Variants in PTPRD observed in about 807,000 individuals in gnomAD.
The protein encoded by PTPRD is protein tyrosine phosphatase receptor type D.
PTPRD carries 34 observed loss-of-function variants against 214.5 expected under a neutral mutation model. The ratio of observed to expected loss-of-function variants is 0.16; its 90% CI spans 0.12 to 0.21. The LOEUF is 0.21. Among genes scored for constraint, PTPRD ranks in the 10% least tolerant of loss-of-function variants. The pLI, the probability that PTPRD is intolerant of heterozygous loss-of-function variation, is 1.00. For missense variants in PTPRD, 2,545 were observed against 2,398.7 expected (o/e 1.06, Z -1.27); for synonymous variants, 1,128 against 845.7 (o/e 1.33, Z -5.79).
chr9:10,545,594 T>C (rs1406367940), intron 2 of PTPRD, among the ~76,000 whole-genome samples: 1 of 152,136 alleles, frequency 6.6e-6, no homozygotes, highest in East Asian at 1.9e-4. Context: ...CCATGTTTAA[T>C]TGAGCAACTA....
intron 2 of PTPRD, among the ~76,000 whole-genome samples, chr9:10,344,053 T>C (rs186026976): frequency 1.3e-5 from 2 of 150,028 alleles, no homozygotes; most frequent in Admixed American, 1.3e-4. Flanking sequence ...TTTGTCTATT[T>C]TGGCTTTTGT....
chr9:8,933,429 AT>A (rs1386760795), intron 11 of PTPRD, among the ~76,000 whole-genome samples: 1 of 140,188 alleles, frequency 7.1e-6, no homozygotes, highest in South Asian at 2.3e-4. Flanking sequence ...AAGTTTAAGC[AT>A]TTTTTCTGAA....
chr9:8,713,471 T>C (rs539433635), intron 12 of PTPRD: 11 of 1,122,314 alleles, frequency 9.8e-6, no homozygotes, highest in Admixed American at 1.7e-5. Context: ...TTAAAGAAAA[T>C]GAAGAAGTCT....
chr9:9,665,609 T>C (rs1205339947), intron 7 of PTPRD, among the ~76,000 whole-genome samples: 1 of 151,726 alleles, frequency 6.6e-6, no homozygotes, highest in East Asian at 1.9e-4. Flanking sequence ...GATTCAAATT[T>C]AGGTCTGTGG....
chr9:9,370,241 G>A (rs1348786039), intron 9 of PTPRD, among the ~76,000 whole-genome samples: 1 of 152,086 alleles, frequency 6.6e-6, no homozygotes, highest in Admixed American at 6.6e-5. Context: ...TCCTACCCAT[G>A]AGCATGGAAT....
intron 8 of PTPRD, among the ~76,000 whole-genome samples, chr9:9,527,773 T>A (rs1391254268): frequency 2.0e-5 from 3 of 152,198 alleles, no homozygotes; most frequent in Non-Finnish European, 2.9e-5. Flanking sequence ...AAATTTTATA[T>A]AAAATATGTC....
intron 8 of PTPRD, among the ~76,000 whole-genome samples, chr9:9,572,665 T>C (rs1475831407): frequency 6.7e-6 from 1 of 149,384 alleles, no homozygotes; most frequent in African/African-American, 2.4e-5. Context: ...CCGATATGTA[T>C]ATTATGTATG....
At chr9:10,360,986 C>T (rs1019401254) in intron 2 of PTPRD, among the ~76,000 whole-genome samples, 5 of 151,936 alleles carry the variant, frequency 3.3e-5, no homozygotes, top group Admixed American at 1.3e-4. Context: ...CCTGTAGTCC[C>T]AGCTACTCGG....
intron 10 of PTPRD, among the ~76,000 whole-genome samples, chr9:9,056,165 C>A (rs750309693): frequency 6.6e-6 from 1 of 152,148 alleles, no homozygotes; most frequent in Non-Finnish European, 1.5e-5. Context: ...ACGAAGAAGA[C>A]AAAATCATCT....
intron 9 of PTPRD, among the ~76,000 whole-genome samples, chr9:9,379,010 G>A (rs2061490425): frequency 6.6e-6 from 1 of 151,368 alleles, no homozygotes; most frequent in South Asian, 2.1e-4. Flanking sequence ...TTATTTTAAT[G>A]AAGCCCAGCT....
chr9:9,089,871 C>T (rs1327945026), intron 10 of PTPRD, among the ~76,000 whole-genome samples: 1 of 152,124 alleles, frequency 6.6e-6, no homozygotes, highest in Non-Finnish European at 1.5e-5. Context: ...ATATTTACTC[C>T]TTTCACTGTG....
At chr9:9,550,375 A>G (rs899175466) in intron 8 of PTPRD, among the ~76,000 whole-genome samples, 8 of 149,698 alleles carry the variant, frequency 5.3e-5, no homozygotes, top group African/African-American at 1.7e-4. Flanking sequence ...TCTCATATAC[A>G]TATAGTTCTC....
chr9:9,029,255 T>C (rs558649126), intron 10 of PTPRD, among the ~76,000 whole-genome samples: 1 of 151,994 alleles, frequency 6.6e-6, no homozygotes, highest in South Asian at 2.1e-4. Flanking sequence ...TATATTTCTA[T>C]TGGACAGTGT....
chr9:9,493,043 T>A (rs572049546), intron 8 of PTPRD, among the ~76,000 whole-genome samples: 6 of 149,792 alleles, frequency 4.0e-5, no homozygotes, highest in Non-Finnish European at 8.9e-5. Context: ...GCTTCCCTAG[T>A]CCCTGAAATA....
intron 7 of PTPRD, among the ~76,000 whole-genome samples, chr9:9,661,624 C>G (rs1012214028): frequency 4.6e-5 from 7 of 151,758 alleles, no homozygotes; most frequent in African/African-American, 1.4e-4. Flanking sequence ...TTCATAAAAA[C>G]AAACAAACAA....
intron 9 of PTPRD, among the ~76,000 whole-genome samples, chr9:9,371,597 TG>T (rs1477222130): frequency 6.6e-6 from 1 of 152,152 alleles, no homozygotes; most frequent in Non-Finnish European, 1.5e-5. Context: ...AAGGGTTTTT[TG>T]TGTCTCTATC....
intron 12 of PTPRD, among the ~76,000 whole-genome samples, chr9:8,677,698 T>C (rs1156866072): frequency 6.6e-6 from 1 of 152,168 alleles, no homozygotes; most frequent in Non-Finnish European, 1.5e-5. Flanking sequence ...GCCAGATTAT[T>C]ATCAGAAACC....
intron 4 of PTPRD, among the ~76,000 whole-genome samples, chr9:9,980,371 G>A (rs990017455): frequency 6.6e-6 from 1 of 151,792 alleles, no homozygotes; most frequent in African/African-American, 2.4e-5. Flanking sequence ...GAATTGGGAG[G>A]CCGAGGTGGG....
At chr9:9,661,459 T>C (rs2096620570) in intron 7 of PTPRD, among the ~76,000 whole-genome samples, 1 of 151,928 alleles carries the variant, frequency 6.6e-6, no homozygotes, top group Admixed American at 6.6e-5. Context: ...TTTAACATTA[T>C]ATTAAACTAT....
Sources: allele counts gnomAD v4.1 joint callset (sites outside exome capture counted in the v4.1 genomes callset), GRCh38; gene constraint gnomAD v4.1.1; transcripts MANE v1.5; gene names NCBI Gene and HGNC (gene_info 2026-07-23, HGNC 2026-07-21).